The following SUCO variants were observed in gnomAD, a reference collection of about 807,000 sequenced individuals.
SUCO encodes the protein SUN domain containing ossification factor, also known as SUN domain-containing ossification factor.
SUCO carries 57 observed loss-of-function variants against 148.1 expected under a neutral mutation model. That is an observed-to-expected ratio of 0.38 (90% CI 0.31 to 0.48). The LOEUF (loss-of-function observed/expected upper bound fraction) is 0.48, where lower values mean the gene tolerates loss of function less well. SUCO is among the 20% of genes least tolerant of loss of function. SUCO has a pLI of 0.96. For missense variants in SUCO, 1,331 were observed against 1,468.2 expected (o/e 0.91, Z 1.53); for synonymous variants, 470 against 502.7 (o/e 0.93, Z 0.87).
intron 1 of SUCO, among the ~76,000 whole-genome samples, chr1:172,546,332 A>G (rs1253582232): frequency 6.6e-6 from 1 of 152,208 alleles, no homozygotes; most frequent in African/African-American, 2.4e-5. Flanking sequence ...AATATTTTCT[A>G]GCCAACAGAT....
chr1:172,593,128 T>A (rs1656799314), intron 19 of SUCO, among the ~76,000 whole-genome samples: 1 of 152,244 alleles, frequency 6.6e-6, no homozygotes. Flanking sequence ...TGATTTTATA[T>A]CCTGAGACTT....
At chr1:172,577,065 A>T in intron 11 of SUCO, 2 of 728,262 alleles carry the variant, frequency 2.7e-6, no homozygotes, top group Non-Finnish European at 3.4e-6. Context: ...ATATACAAGT[A>T]TAAATATCAT....
Position 172,609,968 on chromosome 1 carries a change from T to C in SUCO, c.3474T>C (p.Tyr1158=), listed in dbSNP as rs761924308. The part of the protein sequence containing the change: ...SNMGEVYHSS[Y]KGPPSEGSSE... The stretch of plus-strand genomic sequence containing the variant: ...TGGGAGAAGTTTATCACTCTTCTTA[T>C]AAAGGTCCTCCATCTGAAGGAAGCT... The change falls in exon 24 of 24, where the codon TAT becomes TAC. Residue 1158 remains tyrosine (Y), a synonymous_variant. Coordinates refer to ENST00000263688, the MANE Select transcript of SUCO (RefSeq NM_014283.5). 1 of 1,613,978 alleles carries C rather than the reference T, an allele frequency of 6.2e-7. No homozygotes were observed. The highest frequency in any genetic ancestry group is 8.5e-7 in the Non-Finnish European group (1 of 1,179,882).
intron 1 of SUCO, among the ~76,000 whole-genome samples, chr1:172,537,205 T>G (rs1485497853): frequency 1.3e-5 from 2 of 152,310 alleles, no homozygotes; most frequent in African/African-American, 4.8e-5. Context: ...TGTCTATAAG[T>G]TATGTACATG....
upstream of SUCO, chr1:172,532,548 G>A (rs1163043225): frequency 1.2e-6 from 2 of 1,613,706 alleles, no homozygotes; most frequent in Non-Finnish European, 1.7e-6. Context: ...ATTGCCACAG[G>A]GAAAGGGCTT....
At position 172,555,975 on chromosome 1, in the gene SUCO, A is replaced by G. The variant is rs771368084; in HGVS notation, c.395A>G (p.Asn132Ser). The G allele has an allele frequency of 1.9e-6, 3 of 1,613,540 alleles. No individual in the cohort carries two copies. Among genetic ancestry groups the G allele is most frequent in the South Asian group, 1.1e-5 (1 of 91,014 alleles). ...NAVVDSETVENISSSSTSEIT... is the reference protein window; with the variant it reads ...NAVVDSETVESISSSSTSEIT... The stretch of plus-strand genomic sequence containing the variant: ...GTTGTGGACAGTGAAACTGTTGAAA[A>G]TATTTCCAGCTCATCTACCTCAGAA... Residue 132 changes from asparagine to serine, a missense_variant, in exon 4 of 24, where the codon AAT (asparagine) becomes AGT (serine). Asn to Ser is a conservative substitution (Grantham distance 46). Transcript: ENST00000263688.
At chr1:172,601,280 A>G (rs1657504542) in intron 20 of SUCO, among the ~76,000 whole-genome samples, 1 of 152,094 alleles carries the variant, frequency 6.6e-6, no homozygotes, top group East Asian at 1.9e-4. Flanking sequence ...ACTCGAGGTC[A>G]GGAGGTGGAG....
chr1:172,549,399 A>G (rs1026161862), intron 1 of SUCO, among the ~76,000 whole-genome samples: 3 of 151,932 alleles, frequency 2.0e-5, no homozygotes, highest in Admixed American at 2.0e-4. Context: ...TTGCACATTA[A>G]TGTGTCTTTC....
intron 6 of SUCO, among the ~76,000 whole-genome samples, chr1:172,567,272 A>G (rs1654618615): frequency 1.3e-5 from 2 of 152,232 alleles, no homozygotes; most frequent in South Asian, 4.1e-4. Context: ...ACACTTCTCA[A>G]TATAGTGTTA....
At chr1:172,598,881 C>T (rs1657303037) in intron 19 of SUCO, among the ~76,000 whole-genome samples, 1 of 152,104 alleles carries the variant, frequency 6.6e-6, no homozygotes, top group Non-Finnish European at 1.5e-5. Context: ...ATAGAAAGTA[C>T]CATAGTGGAT....
chr1:172,541,909 T>G, intron 1 of SUCO: 1 of 887,146 alleles, frequency 1.1e-6, no homozygotes, highest in Non-Finnish European at 1.4e-6. Context: ...TGTTTTCTGT[T>G]TGTTTGCTTG....
At chr1:172,569,508 A>G (rs977835234) in intron 7 of SUCO, 1 of 982,766 alleles carries the variant, frequency 1.0e-6, no homozygotes, top group African/African-American at 1.7e-5. Context: ...ACTTACCAAA[A>G]GGTGTTTTAC....
intron 8 of SUCO, 59 bp downstream of exon 8, chr1:172,570,230 A>G: frequency 9.6e-7 from 1 of 1,042,648 alleles, no homozygotes; most frequent in East Asian, 2.8e-5. Flanking sequence ...TTTAAAATAC[A>G]GGTTATTTGT....
chr1:172,569,065 C>T lies in SUCO; in HGVS notation c.779C>T (p.Ala260Val). The change falls in exon 7 of 24, where the codon GCA (alanine) becomes GTA (valine). Residue 260 changes from alanine (A) to valine (V), a missense_variant. Physicochemically the swap from Ala to Val is moderately conservative, Grantham distance 64. Around this residue, in one of 3 missense-constraint regions of SUCO, gnomAD observed 992 missense variants for 1,093.5 expected, o/e 0.91. Coordinates refer to ENST00000263688, the MANE Select transcript of SUCO (RefSeq NM_014283.5). ...GGAGACATTGACCCTACATCAGTAG[C>T]AAGTCCCAAAGATCCAGAAGATATA... ...KPGDIDPTSV[A>V]SPKDPEDIPT... The T allele has an allele frequency of 1.3e-6, 2 of 1,598,862 alleles. No homozygotes were observed. The highest frequency in any genetic ancestry group is 1.7e-6 in the Non-Finnish European group (2 of 1,175,396).
intron 8 of SUCO, 188 bp from the exon 9 acceptor site, chr1:172,570,475 A>G: frequency 1.8e-6 from 1 of 565,954 alleles, no homozygotes; most frequent in South Asian, 2.6e-5. Flanking sequence ...TGTAACACTA[A>G]TTTAATGCTG....
At chr1:172,538,535 A>G (rs573291822) in intron 1 of SUCO, among the ~76,000 whole-genome samples, 3 of 152,194 alleles carry the variant, frequency 2.0e-5, no homozygotes, top group African/African-American at 7.2e-5. Flanking sequence ...ATCTGGAGGA[A>G]TTTTTTTGCT....
At chr1:172,546,161 C>A (rs1652842337) in intron 1 of SUCO, among the ~76,000 whole-genome samples, 1 of 152,084 alleles carries the variant, frequency 6.6e-6, no homozygotes, top group Non-Finnish European at 1.5e-5. Flanking sequence ...GTCTCTGACT[C>A]CTGATCTCCT....
intron 6 of SUCO, 81 bp downstream of exon 6, chr1:172,557,875 A>G: frequency 8.8e-7 from 1 of 1,138,908 alleles, no homozygotes. Context: ...TAATTTGCTA[A>G]CTATATTTGT....
intron 3 of SUCO, among the ~76,000 whole-genome samples, chr1:172,554,582 C>A (rs1311504657): frequency 6.6e-6 from 1 of 151,966 alleles, no homozygotes; most frequent in Non-Finnish European, 1.5e-5. Flanking sequence ...ACCAAAAATA[C>A]AAAAATTAGC....
Sources: allele counts gnomAD v4.1 joint callset (sites outside exome capture counted in the v4.1 genomes callset), GRCh38; gene constraint gnomAD v4.1.1; regional missense constraint gnomAD v4.1.1; transcripts MANE v1.5; gene names NCBI Gene and HGNC (gene_info 2026-07-23, HGNC 2026-07-21).